CD200: variants seen among roughly 807,000 people sequenced by gnomAD.
CD200 encodes the protein OX-2 membrane glycoprotein.
In CD200, 15 loss-of-function variants were observed where a neutral mutation model predicts 30.9. That is an observed-to-expected ratio of 0.49 (90% confidence interval 0.32 to 0.75). CD200 has a LOEUF of 0.75. CD200 is among the 30% of genes least tolerant of loss of function. CD200 has a pLI of 0.03. For synonymous variants in CD200, 134 were observed against 126.2 expected (o/e 1.06, Z -0.41); for missense variants, 262 against 324.2 (o/e 0.81, Z 1.47).
intron 1 of CD200, among the ~76,000 whole-genome samples, chr3:112,337,577 T>C (rs2108424447): frequency 6.6e-6 from 1 of 152,320 alleles, no homozygotes; most frequent in African/African-American, 2.4e-5. Context: ...AGATGGCATC[T>C]TGTACAAAGA....
At chr3:112,354,577 T>C (rs932058886) in intron 5 of CD200, among the ~76,000 whole-genome samples, 1 of 152,214 alleles carries the variant, frequency 6.6e-6, no homozygotes, top group Admixed American at 6.5e-5. Flanking sequence ...CTATTTAAAC[T>C]GGAAAAGATT....
At chr3:112,357,648 A>G (rs1291791706) in intron 5 of CD200, among the ~76,000 whole-genome samples, 4 of 152,226 alleles carry the variant, frequency 2.6e-5, no homozygotes, top group African/African-American at 4.8e-5. Context: ...TTTGAGGAAG[A>G]TTTCAGGTTA....
In CD200 at chr3:112,349,805, GGAA is replaced by G. The variant is rs1559788595; in HGVS notation, c.789_791del (p.Asn264del). 1 of 1,608,830 alleles carries G rather than the reference GGAA, an allele frequency of 6.2e-7. No individual in the cohort carries two copies. Reference sequence around the variant, plus strand: ...ATCTTACTGTACTGGAAACGTCACCGGAATCAGGACCGAGGTGAGTTGTCACAG... The same window carrying G: ...ATCTTACTGTACTGGAAACGTCACCGTCAGGACCGAGGTGAGTTGTCACAG... On this transcript the variant is annotated inframe_deletion, in exon 5 of 6. Coordinates refer to ENST00000315711, the MANE Select transcript of CD200 (RefSeq NM_005944.7).
At chr3:112,335,760 T>C in intron 1 of CD200, 1 of 613,862 alleles carries the variant, frequency 1.6e-6, no homozygotes, top group Non-Finnish European at 2.9e-6. Flanking sequence ...GCAGTTAGAG[T>C]GAATGCTGAA....
intron 1 of CD200, chr3:112,335,847 AAC>A: frequency 1.1e-6 from 1 of 873,508 alleles, no homozygotes; most frequent in African/African-American, 1.6e-5. Flanking sequence ...TCTGGTGCTC[AAC>A]ACACACAACC....
chr3:112,342,821 G>C (rs1576597480), intron 2 of CD200, among the ~76,000 whole-genome samples: 1 of 152,124 alleles, frequency 6.6e-6, no homozygotes, highest in East Asian at 1.9e-4. Context: ...GTGTACCTAA[G>C]ACTTAAAAGA....
At chr3:112,350,807 T>C (rs951423951) in intron 5 of CD200, among the ~76,000 whole-genome samples, 2 of 152,224 alleles carry the variant, frequency 1.3e-5, no homozygotes, top group Non-Finnish European at 2.9e-5. Flanking sequence ...TATAGAAATG[T>C]TTCCTTTTAG....
At chr3:112,337,113 G>A (rs1460583960) in intron 1 of CD200, among the ~76,000 whole-genome samples, 2 of 151,978 alleles carry the variant, frequency 1.3e-5, no homozygotes, top group Non-Finnish European at 2.9e-5. Context: ...GTATATGGTG[G>A]GTATATTTGG....
intron 1 of CD200, chr3:112,333,493 C>T (rs1191538446): frequency 1.0e-6 from 1 of 985,356 alleles, no homozygotes. Flanking sequence ...ATGCACCAGG[C>T]CGGGGCTCCG....
At chr3:112,358,425 T>A (rs537888601) in intron 5 of CD200, among the ~76,000 whole-genome samples, 9 of 152,094 alleles carry the variant, frequency 5.9e-5, no homozygotes, top group Non-Finnish European at 1.2e-4. Flanking sequence ...GTGCGTATAC[T>A]GAAATGAACT....
At chr3:112,333,558 C>A (rs2081046760) in intron 1 of CD200, 1 of 985,314 alleles carries the variant, frequency 1.0e-6, no homozygotes. Flanking sequence ...AGGCTCGGCT[C>A]GGCTCACTGG....
At position 112,345,159 on chromosome 3, in the gene CD200, C is replaced by G. The variant is rs760768679; in HGVS notation, c.292C>G (p.Gln98Glu). Residue 98 changes from glutamine (Q) to glutamate (E), a missense_variant, in exon 3 of 6, where the codon CAG becomes GAG. Coordinates refer to ENST00000315711, the MANE Select transcript of CD200 (RefSeq NM_005944.7). ...CTATAAGGACAAGATAAACATTACC[C>G]AGCTGGGACTCCAAAACTCAACCAT... ...PAYKDKINIT[Q>E]LGLQNSTITF... The G allele has an allele frequency of 6.2e-7, 1 of 1,614,092 alleles. No homozygotes were observed. Among genetic ancestry groups the G allele is most frequent in the East Asian group, 2.2e-5 (1 of 44,882 alleles).
intron 5 of CD200, among the ~76,000 whole-genome samples, chr3:112,361,148 C>T (rs759142218): frequency 9.9e-5 from 15 of 152,094 alleles, no homozygotes; most frequent in Non-Finnish European, 2.2e-4. Context: ...GTTATCCTCA[C>T]GCCTCAGCCT....
chr3:112,350,523 A>G (rs1366821201), intron 5 of CD200, among the ~76,000 whole-genome samples: 1 of 152,230 alleles, frequency 6.6e-6, no homozygotes, highest in Non-Finnish European at 1.5e-5. Context: ...ATAAAACAAG[A>G]GACACTATAA....
chr3:112,343,942 A>G (rs1219603361), intron 2 of CD200, among the ~76,000 whole-genome samples: 3 of 152,060 alleles, frequency 2.0e-5, no homozygotes, highest in Non-Finnish European at 2.9e-5. Context: ...AATCCCTTCC[A>G]TATCATTATC....
rs1306317150 is a variant in CD200, at chr3:112,353,410, CAAGTACTAGCTA to C, written c.802+3593_802+3604del. Among the ~76,000 whole-genome samples the C allele has an allele frequency of 6.6e-5, 10 of 152,060 alleles. No individual in the cohort carries two copies. The South Asian group carries it at 1.5e-3, about 22-fold the overall frequency. On this transcript the variant is annotated intron_variant, in intron 5 of 5. Transcript: ENST00000315711. ...TATATGCCAAACTTCACTTTTTTTTCAAGTACTAGCTAATCCATGTAGAAATATGTTTTTCAT... is the reference window on the plus strand; with the variant it reads ...TATATGCCAAACTTCACTTTTTTTTCATCCATGTAGAAATATGTTTTTCAT...
chr3:112,355,729 A>G (rs2081611988), intron 5 of CD200, among the ~76,000 whole-genome samples: 1 of 152,178 alleles, frequency 6.6e-6, no homozygotes. Flanking sequence ...CAAAATTCCC[A>G]TTTATAGGCC....
chr3:112,346,849 G>T (rs1159016387), intron 3 of CD200, among the ~76,000 whole-genome samples: 1 of 152,160 alleles, frequency 6.6e-6, no homozygotes, highest in Non-Finnish European at 1.5e-5. Flanking sequence ...AAGGGTACAG[G>T]CTACAGCTGG....
intron 5 of CD200, among the ~76,000 whole-genome samples, chr3:112,358,204 C>A (rs1269572306): frequency 1.3e-5 from 2 of 152,166 alleles, no homozygotes; most frequent in Non-Finnish European, 2.9e-5. Context: ...CAGAGAAAAC[C>A]CATGCAGACT....
Sources: gnomAD v4.1 joint callset for allele counts (sites outside exome capture counted in the v4.1 genomes callset) on GRCh38, gnomAD v4.1.1 for gene constraint, MANE v1.5 for transcripts, NCBI Gene and HGNC (gene_info 2026-07-23, HGNC 2026-07-21) for gene names.